Variants in TRPM1 observed in about 807,000 individuals in gnomAD.
TRPM1 encodes the protein TRPM1-203 APA Isoform, Intron 10.
A neutral mutation model predicts 149.4 loss-of-function variants in TRPM1; 113 were observed. The ratio of observed to expected loss-of-function variants is 0.76; its 90% CI spans 0.65 to 0.88. The LOEUF (loss-of-function observed/expected upper bound fraction) is 0.88. Among genes scored for constraint, TRPM1 ranks in the 40% least tolerant of loss-of-function variants. The pLI is 0.00. For missense variants in TRPM1, 1,976 were observed against 2,038.7 expected (o/e 0.97, Z 0.59); for synonymous variants, 741 against 759.5 (o/e 0.98, Z 0.40).
chr15:31,042,245 T>G lies in TRPM1; in HGVS notation c.1795-2A>C. On this transcript the variant is annotated splice_acceptor_variant, in intron 16 of 27. Coordinates refer to ENST00000256552, the MANE Select transcript of TRPM1 (RefSeq NM_001252024.2). LOFTEE classifies it high-confidence loss of function. ...CCCTTTAGCTGGAGGCTCATCATCCTGAGGGGAGAAACATGGATTTCATGG... is the reference window on the plus strand; with the variant it reads ...CCCTTTAGCTGGAGGCTCATCATCCGGAGGGGAGAAACATGGATTTCATGG... 1 of 1,567,052 alleles carries G rather than the reference T, an allele frequency of 6.4e-7. No individual in the cohort carries two copies. The highest frequency in any genetic ancestry group is 8.7e-7 in the Non-Finnish European group (1 of 1,155,828).
chr15:31,044,025 A>G (rs1286214387), intron 16 of TRPM1, among the ~76,000 whole-genome samples: 2 of 152,224 alleles, frequency 1.3e-5, no homozygotes, highest in African/African-American at 4.8e-5. Context: ...TTGAAAAAAA[A>G]TTACAGGATA....
chr15:31,005,564 A>G (rs148993933), intron 27 of TRPM1, among the ~76,000 whole-genome samples: 367 of 152,264 alleles, frequency 2.4e-3, no homozygotes, highest in African/African-American at 7.7e-3. Flanking sequence ...TGTGGAAGAA[A>G]CAATGCTTAA....
intron 1 of TRPM1, among the ~76,000 whole-genome samples, chr15:31,129,944 A>G (rs2035996597): frequency 6.6e-6 from 1 of 152,240 alleles, no homozygotes; most frequent in Admixed American, 6.5e-5. Context: ...TCTGAGCCTT[A>G]GTTTTCCCAT....
Position 31,032,764 on chromosome 15 carries a change from G to C in TRPM1, c.2877C>G (p.Phe959Leu). ...GRVIYCVDII[F>L]WYIRVLDIFG... is the part of the protein sequence containing the mutation. Reference sequence around the variant, plus strand: ...AGATGTCCAGGACACGGATGTACCAGAAGATGATATCCACACAGTAGATCA... The same window carrying C: ...AGATGTCCAGGACACGGATGTACCACAAGATGATATCCACACAGTAGATCA... The change falls in exon 22 of 28, where the codon TTC becomes TTG. Residue 959 changes from phenylalanine to leucine, a missense_variant. Physicochemically the swap from Phe to Leu is conservative, Grantham distance 22. Around this residue, in one of 3 missense-constraint regions of TRPM1, gnomAD observed 1,332 missense variants for 1,347.1 expected, o/e 0.99. Transcript: ENST00000256552. The C allele has an allele frequency of 1.9e-6, 3 of 1,614,162 alleles. No homozygotes were observed. Among genetic ancestry groups the C allele is most frequent in the Non-Finnish European group, 2.5e-6 (3 of 1,180,034 alleles).
chr15:31,092,480 C>T (rs1280874978), intron 1 of TRPM1, among the ~76,000 whole-genome samples: 1 of 152,198 alleles, frequency 6.6e-6, no homozygotes, highest in African/African-American at 2.4e-5. Flanking sequence ...ACCTGGACCC[C>T]CAGCCCTGTC....
At position 31,002,313 on chromosome 15, in the gene TRPM1, C is replaced by T. The variant is rs771308316; in HGVS notation, c.4387G>A (p.Val1463Ile). 19 of 1,614,062 alleles carry T rather than the reference C, an allele frequency of 1.2e-5. No individual in the cohort carries two copies. Among genetic ancestry groups the T allele is most frequent in the Middle Eastern group, 1.6e-4 (1 of 6,084 alleles). Residue 1463 changes from valine to isoleucine, a missense_variant, in exon 28 of 28, where the codon GTC (valine) becomes ATC (isoleucine). Physicochemically the swap from Val to Ile is conservative, Grantham distance 29 (BLOSUM62 3). Around this residue, in one of 3 missense-constraint regions of TRPM1, gnomAD observed 572 missense variants for 578.9 expected, o/e 0.99. Coordinates refer to ENST00000256552, the MANE Select transcript of TRPM1 (RefSeq NM_001252024.2). ...ACCAGCTTTCTTCCCCGGGAATAGA[C>T]GAAGCTTCTGGACTTCATTGTTTTA... The part of the protein sequence containing the change: ...ACKTMKSRSF[V>I]YSRGRKLVGG...
intron 1 of TRPM1, among the ~76,000 whole-genome samples, chr15:31,116,116 T>C (rs1294592507): frequency 2.0e-5 from 3 of 152,122 alleles, no homozygotes; most frequent in Admixed American, 6.5e-5. Flanking sequence ...ACACAAACAT[T>C]GAAGCCATAG....
At chr15:31,145,720 T>C (rs2036216650) in intron 1 of TRPM1, among the ~76,000 whole-genome samples, 1 of 152,140 alleles carries the variant, frequency 6.6e-6, no homozygotes, top group South Asian at 2.1e-4. Flanking sequence ...TCAGGTAGCG[T>C]AGAGACACGG....
chr15:31,090,152 C>T (rs771745551), intron 1 of TRPM1, among the ~76,000 whole-genome samples: 22 of 152,138 alleles, frequency 1.4e-4, no homozygotes, highest in Non-Finnish European at 8.8e-5. Context: ...CTATTTCTTC[C>T]TGGTTCTCAG....
chr15:31,088,406 G>A (rs746522766), intron 1 of TRPM1, among the ~76,000 whole-genome samples: 5 of 152,210 alleles, frequency 3.3e-5, no homozygotes, highest in Non-Finnish European at 7.3e-5. Context: ...CAAGCAGAAA[G>A]TGTCTGGGTT....
At chr15:31,093,260 C>CAAA (rs34790478) in intron 1 of TRPM1, among the ~76,000 whole-genome samples, 2 of 63,190 alleles carry the variant, frequency 3.2e-5, no homozygotes, top group Non-Finnish European at 5.4e-5. Flanking sequence ...GACTTTGTCT[C>CAAA]AAAAAAAAAA....
At chr15:31,035,790 C>G in intron 20 of TRPM1, 116 bp from the exon 21 acceptor site, 1 of 1,471,068 alleles carries the variant, frequency 6.8e-7, no homozygotes, top group Non-Finnish European at 9.4e-7. Context: ...TCCAACTGGA[C>G]TGACTCATTG....
rs2033879651 is a variant in TRPM1, at chr15:31,049,461, C to T, written c.1486G>A (p.Val496Ile). 6.2e-7 allele frequency: 1 copy of T among 1,614,184 alleles called. No homozygotes were observed. The change falls in exon 13 of 28, where the codon GTC becomes ATC. Residue 496 changes from valine (V) to isoleucine (I), a missense_variant. Around this residue, in one of 3 missense-constraint regions of TRPM1, gnomAD observed 1,332 missense variants for 1,347.1 expected, o/e 0.99. Transcript: ENST00000256552. ...TCAATCAGGAGCTTCACAAAGTCGA[C>T]ACGATCTAAGACTAAAGCATCTAGC... Reference protein sequence around the residue: ...AMLDALVLDRVDFVKLLIENG... With the variant: ...AMLDALVLDRIDFVKLLIENG...
At chr15:31,036,793 T>C (rs2033399282) in intron 20 of TRPM1, among the ~76,000 whole-genome samples, 1 of 152,232 alleles carries the variant, frequency 6.6e-6, no homozygotes, top group Non-Finnish European at 1.5e-5. Flanking sequence ...TCATCAATCT[T>C]GGCTGCCACA....
chr15:31,076,213 G>A (rs2034687477), intron 3 of TRPM1, among the ~76,000 whole-genome samples: 1 of 152,140 alleles, frequency 6.6e-6, no homozygotes, highest in Non-Finnish European at 1.5e-5. Flanking sequence ...TGGAGGGACT[G>A]TGATTGCATG....
intron 1 of TRPM1, among the ~76,000 whole-genome samples, chr15:31,088,905 A>G (rs923850713): frequency 1.3e-5 from 2 of 152,076 alleles, no homozygotes; most frequent in South Asian, 2.1e-4. Context: ...GTGTTTGCCT[A>G]CCAGAAGTCT....
chr15:31,157,737 C>T (rs113185788), intron 1 of TRPM1, among the ~76,000 whole-genome samples: 2,675 of 152,190 alleles, frequency 0.018, 74 homozygotes, highest in African/African-American at 0.061. Flanking sequence ...ACGCTGTGCA[C>T]CCCAGTTGGT....
intron 1 of TRPM1, among the ~76,000 whole-genome samples, chr15:31,081,941 G>A (rs951195883): frequency 2.0e-5 from 3 of 152,188 alleles, no homozygotes; most frequent in African/African-American, 4.8e-5. Context: ...GCAGGTGAAA[G>A]GCAATGGGTG....
At chr15:31,025,619 G>C (rs1001362370) in intron 27 of TRPM1, among the ~76,000 whole-genome samples, 1 of 152,090 alleles carries the variant, frequency 6.6e-6, no homozygotes, top group African/African-American at 2.4e-5. Context: ...CACCCTCATG[G>C]GGCCAGACAC....
Sources: gnomAD v4.1 joint callset for allele counts (sites outside exome capture counted in the v4.1 genomes callset) on GRCh38, gnomAD v4.1.1 for gene constraint, gnomAD v4.1.1 regional missense constraint, MANE v1.5 for transcripts, NCBI Gene and HGNC (gene_info 2026-07-23, HGNC 2026-07-21) for gene names.